The following PDHA1 variants were observed in gnomAD, a reference collection of about 807,000 sequenced individuals.
PDHA1 encodes the protein pyruvate dehydrogenase E1 component subunit alpha, somatic form, mitochondrial.
Under a neutral mutation model 33.0 loss-of-function variants are expected in PDHA1, and 1 was observed. That is an observed-to-expected ratio of 0.03 (90% confidence interval 0.01 to 0.14). The LOEUF (loss-of-function observed/expected upper bound fraction) is 0.14. Among genes scored for constraint, PDHA1 ranks in the 10% least tolerant of loss-of-function variants. The pLI is 1.00. For synonymous variants in PDHA1, 123 were observed against 119.2 expected, an observed-to-expected ratio of 1.03 and a Z score of -0.21; for missense variants, 168 against 325.1, an observed-to-expected ratio of 0.52 and a Z score of 3.72.
intron 3 of PDHA1, 118 bp downstream of exon 3, chrX:19,350,228 C>A (rs2063156039): frequency 1.7e-6 from 1 of 587,533 alleles, no homozygotes; most frequent in East Asian, 3.3e-5. Context: ...ATGTAATTTT[C>A]TTTTATTTAT....
chrX:19,357,495 G>GATCA lies in PDHA1; in HGVS notation c.832-156_832-153dup, dbSNP rs2063211058. 1.1e-5 allele frequency: 6 copies of GATCA among 556,144 alleles called. No homozygotes were observed. The South Asian group carries it at 1.4e-4, about 13-fold the overall frequency. 45.8% of individuals were successfully genotyped at this position (556,144 alleles called of 1,213,427 possible). A position where few individuals can be genotyped will look rare whatever the true frequency, so the allele number is the denominator to read the frequency against. On this transcript the variant is annotated intron_variant, in intron 8 of 10. Coordinates refer to ENST00000422285, the MANE Select transcript of PDHA1 (RefSeq NM_000284.4). ...TCAATACTTGCTAGAAATGAGAACA[G>GATCA]ATCAGTCAACCAATAAGAAATTCGT...
chrX:19,352,826 C>T (rs188424471), intron 4 of PDHA1: 15 of 409,235 alleles, frequency 3.7e-5, no homozygotes, highest in Non-Finnish European at 6.4e-5. Flanking sequence ...CAGAAAAGTC[C>T]AGGGTATCAT....
rs777678490 is a variant in PDHA1 at position 19,354,530 on chromosome X, A to G, written c.550A>G (p.Asn184Asp). The G allele has an allele frequency of 8.3e-7, 1 of 1,203,010 alleles. No individual in the cohort carries two copies. Among genetic ancestry groups the G allele is most frequent in the South Asian group, 1.8e-5 (1 of 56,752 alleles). ...TGGGATTGCTCTAGCCTGTAAGTAT[A>G]ATGGAAAAGATGAGGTCTGCCTGAC... ...GAGIALACKYNGKDEVCLTLY... is the reference protein window; with the variant it reads ...GAGIALACKYDGKDEVCLTLY... The change falls in exon 6 of 11, where the codon AAT becomes GAT. Residue 184 changes from asparagine to aspartate, a missense_variant. Physicochemically the swap from Asn to Asp is conservative, Grantham distance 23 (BLOSUM62 1). Coordinates refer to ENST00000422285, the MANE Select transcript of PDHA1 (RefSeq NM_000284.4).
At position 19,349,958 on chromosome X, in the gene PDHA1, G is replaced by A. The variant is rs745312079; in HGVS notation, c.139G>A (p.Glu47Lys). ...TCAGAAATGTGACCTTCACCGGCTGGAAGAAGGCCCTCCTGTCACAACAGT... is the reference window on the plus strand; with the variant it reads ...TCAGAAATGTGACCTTCACCGGCTGAAAGAAGGCCCTCCTGTCACAACAGT... ...EIKKCDLHRL[E>K]EGPPVTTVLT... The change falls in exon 3 of 11, where the codon GAA becomes AAA. Residue 47 changes from glutamate to lysine, a missense_variant. By Grantham distance (56) the Glu-to-Lys change is moderately conservative (BLOSUM62 1). Coordinates refer to ENST00000422285, the MANE Select transcript of PDHA1 (RefSeq NM_000284.4). The A allele has an allele frequency of 2.6e-5, 32 of 1,207,743 alleles. No individual in the cohort carries two copies. Among genetic ancestry groups the A allele is most frequent in the Non-Finnish European group, 3.5e-5 (31 of 892,873 alleles).
At position 19,358,927 on chromosome X, in the gene PDHA1, G is replaced by A. The variant is rs766055203; in HGVS notation, c.911G>A (p.Arg304Gln). ...TTCCCTCCCCATAGTTACCGTACAC[G>A]AGAAGAAATTCAGGAAGTAAGAAGT... ...MSDPGVSYRT[R>Q]EEIQEVRSKS... is the part of the protein sequence containing the mutation. The change falls in exon 10 of 11, where the codon CGA (arginine) becomes CAA (glutamine). Residue 304 changes from arginine (R) to glutamine (Q), a missense_variant. Physicochemically the swap from Arg to Gln is conservative, Grantham distance 43. Coordinates refer to ENST00000422285, the MANE Select transcript of PDHA1 (RefSeq NM_000284.4). 1.7e-6 allele frequency: 2 copies of A among 1,174,305 alleles called. No homozygotes were observed. The highest frequency in any genetic ancestry group is 1.2e-6 in the Non-Finnish European group (1 of 861,389).
Position 19,360,444 on chromosome X carries a change from T to A in PDHA1, c.*791T>A, listed in dbSNP as rs1267112593. 2.6e-5 allele frequency: 6 copies of A among 231,710 alleles called. No homozygotes were observed. Among genetic ancestry groups the A allele is most frequent in the Non-Finnish European group, 4.6e-5 (6 of 129,108 alleles). The allele number at this position is 231,710 out of a possible 1,213,427, so 19.1% of individuals were successfully genotyped here. On this transcript the variant is annotated 3_prime_UTR_variant, in exon 11 of 11. Coordinates refer to ENST00000422285, the MANE Select transcript of PDHA1 (RefSeq NM_000284.4). ...CATGGCTCACTGCAGCCTCCACACC[T>A]CCTGGGCTCAAGCAATCCTCCCACC...
chrX:19,345,571 T>TAA (rs1569188696), intron 1 of PDHA1, among the ~76,000 whole-genome samples: 5 of 62,790 alleles, frequency 8.0e-5, no homozygotes, highest in African/African-American at 1.3e-4. Flanking sequence ...ACTCCGTATT[T>TAA]TAAAAAAAAA....
At chrX:19,348,426 G>A (rs2063146274) in intron 1 of PDHA1, among the ~76,000 whole-genome samples, 1 of 112,326 alleles carries the variant, frequency 8.9e-6, no homozygotes, top group South Asian at 3.6e-4. Context: ...AAAACAGCTG[G>A]CTCAAGCCCA....
intron 8 of PDHA1, among the ~76,000 whole-genome samples, chrX:19,357,025 A>G (rs189051628): frequency 1.8e-5 from 2 of 112,400 alleles, no homozygotes; most frequent in Non-Finnish European, 3.8e-5. Flanking sequence ...CACACTAGCA[A>G]GGTCTGTGAA....
Position 19,357,657 on chromosome X carries a change from C to T in PDHA1, c.837C>T (p.Pro279=). ...AAAYCRSGKG[P]ILMELQTYRY... The stretch of plus-strand genomic sequence containing the variant: ...GCCTACCGGTTCTGTTTTAGGGGCC[C>T]ATCCTGATGGAGCTGCAGACTTACC... The change falls in exon 9 of 11, where the codon CCC becomes CCT. Residue 279 remains proline (P), a synonymous_variant. Transcript: ENST00000422285. The T allele has an allele frequency of 8.3e-7, 1 of 1,208,674 alleles. No homozygotes were observed. Among genetic ancestry groups the T allele is most frequent in the Non-Finnish European group, 1.1e-6 (1 of 892,588 alleles).
chrX:19,344,541 C>T (rs752866503), intron 1 of PDHA1, among the ~76,000 whole-genome samples: 2 of 113,464 alleles, frequency 1.8e-5, no homozygotes, highest in South Asian at 7.1e-4. Flanking sequence ...GCACCCTCAC[C>T]ATTGACTAGC....
rs749551362 is a variant in PDHA1, at chrX:19,345,745, T to TA, written c.57+1651_57+1652insA. ...TTGTTTCCTGTATCAGTTTGCAGGG[T>TA]CCCCCCCCCCCCGCCACCTTACAGT... On this transcript the variant is annotated intron_variant, in intron 1 of 10. Coordinates refer to ENST00000422285, the MANE Select transcript of PDHA1 (RefSeq NM_000284.4). 202 of 204,967 alleles carry TA rather than the reference T, an allele frequency of 9.9e-4. 1 individual carries two copies. The highest frequency in any genetic ancestry group is 9.1e-3 in the African/African-American group (187 of 20,536). The allele number at this position is 204,967 out of a possible 1,213,427, so 16.9% of individuals were successfully genotyped here.
At position 19,360,079 on chromosome X, in the gene PDHA1, A is replaced by T. The variant is rs369332453; in HGVS notation, c.*426A>T. On this transcript the variant is annotated 3_prime_UTR_variant, in exon 11 of 11. Transcript: ENST00000422285. ...TTCTCTACAAGATACAATATTTATT[A>T]TCAGGCAAGAGGACAGTTCCATTTT... The T allele has an allele frequency of 9.2e-5, 17 of 183,799 alleles. No individual in the cohort carries two copies. The East Asian group carries it at 2.3e-3, about 24-fold the overall frequency. 15.1% of individuals were successfully genotyped at this position (183,799 alleles called of 1,213,427 possible).
chrX:19,357,628 A>G (rs749539700), intron 8 of PDHA1, 24 bp from the exon 9 acceptor site: 17 of 1,184,476 alleles, frequency 1.4e-5, no homozygotes, highest in East Asian at 3.0e-5. Context: ...CTAACTAACT[A>G]ACTGCCTACC....
chrX:19,359,691 C>CCAGA lies in PDHA1; in HGVS notation c.*42_*45dup. The CCAGA allele has an allele frequency of 2.7e-6, 3 of 1,132,033 alleles. No homozygotes were observed. The highest frequency in any genetic ancestry group is 6.0e-5 in the East Asian group (2 of 33,530). The allele number at this position is 1,132,033 out of a possible 1,213,427, so 93.3% of individuals were successfully genotyped here. A position where few individuals can be genotyped will look rare whatever the true frequency, so the allele number is the denominator to read the frequency against. ...GAGAGGTTATACCTTCAGGGGGCTA[C>CCAGA]CAGACAGTGTTCTCAACTTGGTTAA... On this transcript the variant is annotated 3_prime_UTR_variant, in exon 11 of 11. Transcript: ENST00000422285.
In PDHA1 at chrX:19,350,161, G is replaced by A. The variant is rs756222545; in HGVS notation, c.291+51G>A. Reference sequence around the variant, plus strand: ...TGTGTTATTTAGGTACTGAAGTATGGCTTGTACTTATTGGGCTTTACCCTG... The same window carrying A: ...TGTGTTATTTAGGTACTGAAGTATGACTTGTACTTATTGGGCTTTACCCTG... On this transcript the variant is annotated intron_variant, in intron 3 of 10. Coordinates refer to ENST00000422285, the MANE Select transcript of PDHA1 (RefSeq NM_000284.4). The A allele has an allele frequency of 9.7e-6, 9 of 924,358 alleles. No homozygotes were observed. The South Asian group carries it at 1.8e-4, about 18-fold the overall frequency. 76.2% of individuals were successfully genotyped at this position (924,358 alleles called of 1,213,427 possible). A position where few individuals can be genotyped will look rare whatever the true frequency, so the allele number is the denominator to read the frequency against.
At chrX:19,358,433 G>A (rs1355505908) in intron 9 of PDHA1, among the ~76,000 whole-genome samples, 1 of 111,685 alleles carries the variant, frequency 9.0e-6, no homozygotes. Context: ...TCTTTAGGGG[G>A]ACTTAAGGGA....
chrX:19,350,865 G>A (rs2063159160), intron 3 of PDHA1, among the ~76,000 whole-genome samples: 1 of 111,688 alleles, frequency 9.0e-6, no homozygotes, highest in Admixed American at 9.5e-5. Flanking sequence ...TGGTGACAGG[G>A]ACTCATGCTG....
intron 2 of PDHA1, among the ~76,000 whole-genome samples, 194 bp downstream of exon 2, chrX:19,349,565 G>T (rs988277584): frequency 5.4e-5 from 6 of 111,838 alleles, no homozygotes; most frequent in African/African-American, 1.9e-4. Context: ...TCTGTGGGGG[G>T]AAGGGGGAGG....
Sources: allele counts gnomAD v4.1 joint callset (sites outside exome capture counted in the v4.1 genomes callset), GRCh38; gene constraint gnomAD v4.1.1; transcripts MANE v1.5; gene names NCBI Gene and HGNC (gene_info 2026-07-23, HGNC 2026-07-21).